The following HEG1 variants were observed in gnomAD, a reference collection of about 807,000 sequenced individuals.
The protein encoded by HEG1 is protein HEG homolog 1.
In HEG1, 56 loss-of-function variants were observed where a neutral mutation model predicts 125.6. The observed-to-expected ratio is 0.45, with a 90% confidence interval of 0.36 to 0.56. The LOEUF (loss-of-function observed/expected upper bound fraction) is 0.56. Ranked by LOEUF, HEG1 falls within the 20% of genes least tolerant of loss-of-function variation. The pLI is 0.00. For synonymous variants in HEG1, 644 were observed against 668.5 expected (o/e 0.96, Z 0.57); for missense variants, 1,523 against 1,670.0 (o/e 0.91, Z 1.53).
intron 3 of HEG1, among the ~76,000 whole-genome samples, chr3:125,025,436 A>C (rs1337264603): frequency 6.6e-6 from 1 of 152,260 alleles, no homozygotes; most frequent in African/African-American, 2.4e-5. Flanking sequence ...AGAAGTGTTC[A>C]GTAAAAGACT....
intron 1 of HEG1, among the ~76,000 whole-genome samples, chr3:125,048,284 A>G (rs927289682): frequency 7.2e-5 from 11 of 152,212 alleles, no homozygotes; most frequent in African/African-American, 2.2e-4. Context: ...AGACCTTGCA[A>G]CCAGAGCCCC....
intron 7 of HEG1, 46 bp downstream of exon 7, chr3:125,010,393 A>G (rs746755414): frequency 1.6e-5 from 19 of 1,219,786 alleles, no homozygotes; most frequent in Non-Finnish European, 2.1e-5. Flanking sequence ...GGGTAGCCCA[A>G]CGTGGTACTG....
chr3:124,984,849 A>C (rs6794457), intron 14 of HEG1, among the ~76,000 whole-genome samples: 49,884 of 152,112 alleles, frequency 0.33, 9,114 homozygotes, highest in South Asian at 0.41. Flanking sequence ...GGAATATTTT[A>C]AAAAGAGACT....
intron 5 of HEG1, chr3:125,014,731 C>T (rs778267308): frequency 2.4e-5 from 31 of 1,275,846 alleles, no homozygotes; most frequent in South Asian, 5.1e-5. Flanking sequence ...GCACTGGAGG[C>T]GGCCAGTGAC....
intron 1 of HEG1, among the ~76,000 whole-genome samples, chr3:125,054,499 T>C (rs1332685174): frequency 6.6e-6 from 1 of 152,208 alleles, no homozygotes; most frequent in Non-Finnish European, 1.5e-5. Flanking sequence ...TGCCAGAAAG[T>C]CTGCATGAGA....
intron 3 of HEG1, among the ~76,000 whole-genome samples, chr3:125,023,637 T>C (rs1278835927): frequency 1.3e-5 from 2 of 149,222 alleles, no homozygotes; most frequent in Non-Finnish European, 3.0e-5. Flanking sequence ...CCACTTATAT[T>C]ACTAAATGAG....
intron 15 of HEG1, among the ~76,000 whole-genome samples, chr3:124,976,678 GGGAT>G (rs1159560282): frequency 6.6e-6 from 1 of 152,086 alleles, no homozygotes; most frequent in Non-Finnish European, 1.5e-5. Context: ...GAGGTGCTGG[GGGAT>G]GGGGCCTACA....
At chr3:124,981,293 T>C (rs756277781) in intron 14 of HEG1, among the ~76,000 whole-genome samples, 2 of 151,390 alleles carry the variant, frequency 1.3e-5, no homozygotes, top group Non-Finnish European at 2.9e-5. Context: ...TGTGGACTGA[T>C]ATATTTGTGA....
Position 124,970,889 on chromosome 3 carries a change from G to A in HEG1, c.3997-88C>T. 8 of 1,132,582 alleles carry A rather than the reference G, an allele frequency of 7.1e-6. No individual in the cohort carries two copies. The South Asian group carries it at 8.7e-5, about 12-fold the overall frequency. 70.2% of individuals were successfully genotyped at this position (1,132,582 alleles called of 1,614,324 possible). A position where few individuals can be genotyped will look rare whatever the true frequency, so the allele number is the denominator to read the frequency against. On this transcript the variant is annotated intron_variant, in intron 16 of 16. Transcript: ENST00000311127. Reference sequence around the variant, plus strand: ...TAAATCCCAATGATTTTAGACCAATGTAAGAAAAGATCTGGGTTTATCCTG... The same window carrying A: ...TAAATCCCAATGATTTTAGACCAATATAAGAAAAGATCTGGGTTTATCCTG...
At chr3:124,971,472 T>A (rs2107685049) in intron 16 of HEG1, among the ~76,000 whole-genome samples, 1 of 152,054 alleles carries the variant, frequency 6.6e-6, no homozygotes, top group South Asian at 2.1e-4. Flanking sequence ...TTCCCTCTCT[T>A]TCTTTCTTTT....
chr3:125,045,470 A>C (rs1937648014), intron 1 of HEG1, among the ~76,000 whole-genome samples: 1 of 152,192 alleles, frequency 6.6e-6, no homozygotes, highest in African/African-American at 2.4e-5. Context: ...GTGCTCCATA[A>C]ATGTTCACTG....
At chr3:125,046,440 TA>T (rs1937671688) in intron 1 of HEG1, among the ~76,000 whole-genome samples, 4 of 151,272 alleles carry the variant, frequency 2.6e-5, no homozygotes, top group African/African-American at 9.7e-5. Flanking sequence ...CACACATATA[TA>T]TTTTTTTAAT....
At chr3:125,021,201 A>G in intron 3 of HEG1, 71 bp from the exon 4 acceptor site, 1 of 1,197,098 alleles carries the variant, frequency 8.4e-7, no homozygotes, top group Non-Finnish European at 1.2e-6. Flanking sequence ...TTCGAGATAC[A>G]AATGACGTTT....
intron 15 of HEG1, among the ~76,000 whole-genome samples, chr3:124,977,212 C>T (rs6778037): frequency 0.11 from 17,145 of 152,220 alleles, 1,701 homozygotes; most frequent in African/African-American, 0.26. Flanking sequence ...GCTTCCCCAG[C>T]CACTTGGAAC....
intron 1 of HEG1, among the ~76,000 whole-genome samples, chr3:125,035,057 T>G (rs1038399429): frequency 2.6e-5 from 4 of 152,112 alleles, no homozygotes; most frequent in African/African-American, 9.7e-5. Flanking sequence ...CTCCACATCC[T>G]GGGTTCAAGC....
intron 1 of HEG1, among the ~76,000 whole-genome samples, chr3:125,043,874 G>C (rs984861177): frequency 4.6e-5 from 7 of 152,174 alleles, no homozygotes; most frequent in African/African-American, 9.7e-5. Context: ...GGAGGAAGAG[G>C]GGGGAGAGGC....
At chr3:125,032,490 G>C (rs925283249) in intron 1 of HEG1, among the ~76,000 whole-genome samples, 3 of 152,328 alleles carry the variant, frequency 2.0e-5, no homozygotes, top group South Asian at 4.1e-4. Flanking sequence ...CCCACATGCA[G>C]CTAGAAATGG....
intron 14 of HEG1, among the ~76,000 whole-genome samples, chr3:124,990,213 A>T (rs546522364): frequency 1.3e-5 from 2 of 152,076 alleles, no homozygotes; most frequent in Non-Finnish European, 2.9e-5. Context: ...TGGTTATCAC[A>T]GTAACACTCA....
chr3:125,033,712 G>A (rs948225291), intron 1 of HEG1, among the ~76,000 whole-genome samples: 1 of 152,174 alleles, frequency 6.6e-6, no homozygotes, highest in Non-Finnish European at 1.5e-5. Context: ...TCCAAACCCA[G>A]GACATGGACT....
Sources: gnomAD v4.1 joint callset for allele counts (sites outside exome capture counted in the v4.1 genomes callset) on GRCh38, gnomAD v4.1.1 for gene constraint, MANE v1.5 for transcripts, NCBI Gene and HGNC (gene_info 2026-07-23, HGNC 2026-07-21) for gene names.